BARX2: variants seen among roughly 807,000 people sequenced by gnomAD.
The protein encoded by BARX2 is BARX homeobox 2.
Under a neutral mutation model 25.5 loss-of-function variants are expected in BARX2, and 11 were observed. The observed-to-expected ratio is 0.43, with a 90% CI of 0.27 to 0.71. BARX2 has a LOEUF of 0.71. Ranked by LOEUF, BARX2 falls within the 30% of genes least tolerant of loss-of-function variation. The pLI is 0.19. For missense variants in BARX2, 360 were observed against 359.9 expected (o/e 1.00, Z 0.00); for synonymous variants, 137 against 149.5 (o/e 0.92, Z 0.61).
At chr11:129,385,296 G>A (rs887825769) in intron 1 of BARX2, among the ~76,000 whole-genome samples, 2 of 152,184 alleles carry the variant, frequency 1.3e-5, no homozygotes, top group East Asian at 3.9e-4. Context: ...CCACTCCTGG[G>A]TATGTGCCTG....
At chr11:129,385,049 C>T (rs1861604475) in intron 1 of BARX2, among the ~76,000 whole-genome samples, 1 of 152,126 alleles carries the variant, frequency 6.6e-6, no homozygotes, top group Admixed American at 6.5e-5. Context: ...GGCCAGTAAA[C>T]ATGAAAGGAT....
At position 129,451,545 on chromosome 11, in the gene BARX2, C is replaced by T; in HGVS notation, c.*143C>T. On this transcript the variant is annotated 3_prime_UTR_variant, in exon 4 of 4. Coordinates refer to ENST00000281437, the MANE Select transcript of BARX2 (RefSeq NM_003658.5). ...CCGTCTCCCTCCCTCCCACAGTTACCATTGGCCTTGTCATCGCAAGCATTT... is the reference window on the plus strand; with the variant it reads ...CCGTCTCCCTCCCTCCCACAGTTACTATTGGCCTTGTCATCGCAAGCATTT... 1.0e-6 allele frequency: 1 copy of T among 977,372 alleles called. No individual in the cohort carries two copies. The allele number at this position is 977,372 out of a possible 1,614,324, so 60.5% of individuals were successfully genotyped here. A position where few individuals can be genotyped will look rare whatever the true frequency, so the allele number is the denominator to read the frequency against.
chr11:129,375,671 A>G (rs2135379697), upstream of BARX2, among the ~76,000 whole-genome samples: 1 of 151,562 alleles, frequency 6.6e-6, no homozygotes, highest in South Asian at 2.1e-4. This position sits in a 1 kb window ranked among gnomAD's most constrained non-coding sequence, Gnocchi z 4.0. Context: ...AGCGGGAGGC[A>G]GCGACTGAGA....
At chr11:129,407,846 A>G (rs933242179) in intron 1 of BARX2, among the ~76,000 whole-genome samples, 1 of 151,930 alleles carries the variant, frequency 6.6e-6, no homozygotes, top group Non-Finnish European at 1.5e-5. Flanking sequence ...CCTCACTTGC[A>G]GTGGAGGAGG....
intron 3 of BARX2, among the ~76,000 whole-genome samples, chr11:129,444,507 C>G (rs1336159390): frequency 2.0e-5 from 3 of 152,140 alleles, no homozygotes; most frequent in Admixed American, 2.0e-4. Context: ...TCTTGTGAGC[C>G]ATTCCTTGTC....
chr11:129,423,277 C>T (rs61911224), intron 1 of BARX2, among the ~76,000 whole-genome samples: 19,332 of 151,794 alleles, frequency 0.13, 1,287 homozygotes, highest in East Asian at 0.17. Flanking sequence ...CCACCACGCC[C>T]GGCTAATTTT....
intron 1 of BARX2, among the ~76,000 whole-genome samples, chr11:129,392,320 C>G (rs931985048): frequency 1.3e-5 from 2 of 152,220 alleles, no homozygotes; most frequent in African/African-American, 4.8e-5. Context: ...GGCTTACCAG[C>G]CAGTAGGCTG....
intron 1 of BARX2, among the ~76,000 whole-genome samples, chr11:129,407,317 A>T (rs917387538): frequency 6.6e-6 from 1 of 152,172 alleles, no homozygotes; most frequent in African/African-American, 2.4e-5. Flanking sequence ...GATGCTATTT[A>T]CTAGTGATAC....
intron 1 of BARX2, among the ~76,000 whole-genome samples, chr11:129,397,428 A>T (rs1336803346): frequency 2.0e-5 from 3 of 152,182 alleles, no homozygotes; most frequent in Non-Finnish European, 2.9e-5. Context: ...TTATTTTTAT[A>T]AAAAATTGGA....
At chr11:129,381,129 AT>A (rs1861559141) in intron 1 of BARX2, among the ~76,000 whole-genome samples, 1 of 152,010 alleles carries the variant, frequency 6.6e-6, no homozygotes, top group Non-Finnish European at 1.5e-5. Context: ...TCTGGCTCTG[AT>A]TTTTCTCAAA....
chr11:129,391,677 G>C (rs1358927406), intron 1 of BARX2, among the ~76,000 whole-genome samples: 1 of 152,200 alleles, frequency 6.6e-6, no homozygotes, highest in African/African-American at 2.4e-5. Flanking sequence ...AGTGAGATCA[G>C]GCTCTGGGCT....
At chr11:129,380,341 G>A (rs555673003) in intron 1 of BARX2, among the ~76,000 whole-genome samples, 14 of 152,166 alleles carry the variant, frequency 9.2e-5, no homozygotes, top group South Asian at 2.1e-4. Flanking sequence ...CCTTGGGTGC[G>A]TTTTTATCAC....
At chr11:129,382,548 C>T (rs912331656) in intron 1 of BARX2, among the ~76,000 whole-genome samples, 1 of 152,192 alleles carries the variant, frequency 6.6e-6, no homozygotes, top group Non-Finnish European at 1.5e-5. Context: ...CCTTGCCACA[C>T]GTCCTGCCCA....
At chr11:129,429,059 C>T (rs1591442800) in intron 1 of BARX2, among the ~76,000 whole-genome samples, 1 of 149,216 alleles carries the variant, frequency 6.7e-6, no homozygotes, top group South Asian at 2.1e-4. Flanking sequence ...CTTTATGGAA[C>T]CAAATTGCCC....
At chr11:129,380,551 G>C (rs1028875755) in intron 1 of BARX2, among the ~76,000 whole-genome samples, 1 of 152,130 alleles carries the variant, frequency 6.6e-6, no homozygotes, top group Non-Finnish European at 1.5e-5. Context: ...AATGTTAATG[G>C]AGAAACATAA....
At position 129,442,839 on chromosome 11, in the gene BARX2, G is replaced by A. The variant is rs750219485; in HGVS notation, c.493G>A (p.Asp165Asn). The A allele has an allele frequency of 2.7e-5, 44 of 1,613,492 alleles. No homozygotes were observed. The South Asian group carries it at 4.7e-4, about 17-fold the overall frequency. Reference sequence around the variant, plus strand: ...TTTGTATCTTGTGCCTTCTAGGTTGGACTTGGCTCAGTCTCTGGGACTCAC... The same window carrying A: ...TTTGTATCTTGTGCCTTCTAGGTTGAACTTGGCTCAGTCTCTGGGACTCAC... The part of the protein sequence containing the change: ...QKYLSTPDRL[D>N]LAQSLGLTQL... Residue 165 changes from aspartate to asparagine, a missense_variant, in exon 3 of 4, where the codon GAC becomes AAC. This residue lies in a region of BARX2 where 240 missense variants were observed against 228.7 expected (regional missense o/e 1.05). Transcript: ENST00000281437.
intron 1 of BARX2, among the ~76,000 whole-genome samples, chr11:129,391,559 C>T (rs1795438084): frequency 6.6e-6 from 1 of 152,116 alleles, no homozygotes; most frequent in Non-Finnish European, 1.5e-5. Flanking sequence ...GATGTCATTC[C>T]AGGGCACAAA....
At chr11:129,443,154 A>C (rs1345735554) in intron 3 of BARX2, among the ~76,000 whole-genome samples, 1 of 152,154 alleles carries the variant, frequency 6.6e-6, no homozygotes, top group Non-Finnish European at 1.5e-5. Context: ...CAAAGGAAAA[A>C]AAGCTTACAG....
Position 129,376,902 on chromosome 11 carries a change from G to C in BARX2, c.187+680G>C, listed in dbSNP as rs1493539. 0.77 allele frequency among the ~76,000 whole-genome samples: 117,207 copies of C among 152,140 alleles called. 45,700 individuals are homozygous for C. Among genetic ancestry groups the C allele is most frequent in the Admixed American group, 0.85 (12,948 of 15,300 alleles). On this transcript the variant is annotated intron_variant, in intron 1 of 3. Coordinates refer to ENST00000281437, the MANE Select transcript of BARX2 (RefSeq NM_003658.5). This position sits in a 1 kb window ranked among gnomAD's most constrained non-coding sequence, Gnocchi z 4.2. Reference sequence around the variant, plus strand: ...ACCTGGTTTTCTCTCTTCACGGGAGGTAAGAGCAATAGTAAAGATAAAGAG... The same window carrying C: ...ACCTGGTTTTCTCTCTTCACGGGAGCTAAGAGCAATAGTAAAGATAAAGAG...
Sources: allele counts gnomAD v4.1 joint callset (sites outside exome capture counted in the v4.1 genomes callset), GRCh38; gene constraint gnomAD v4.1.1; regional missense constraint gnomAD v4.1.1; non-coding constraint Gnocchi (gnomAD v3.1); transcripts MANE v1.5; gene names NCBI Gene and HGNC (gene_info 2026-07-23, HGNC 2026-07-21).